The following PGCKA1 variants were observed in gnomAD, a reference collection of about 807,000 sequenced individuals.
PGCKA1 encodes PDCD10 and GCKIII kinases-associated protein 1.
At chr4:37,485,107 T>C in the PGCKA1 span, among the ~76,000 whole-genome samples, 6 of 152,258 alleles carry the variant, frequency 3.9e-5, no homozygotes, top group Non-Finnish European at 5.9e-5. Context: ...CCTATGTTTC[T>C]AGTTTCAGCT....
At chr4:37,469,424 T>C in the PGCKA1 span, among the ~76,000 whole-genome samples, 1 of 152,170 alleles carries the variant, frequency 6.6e-6, no homozygotes, top group African/African-American at 2.4e-5. Context: ...ACATAGAGAC[T>C]GTGTAGTAGT....
chr4:37,511,962 C>T, the PGCKA1 span, among the ~76,000 whole-genome samples: 2 of 152,250 alleles, frequency 1.3e-5, no homozygotes, highest in African/African-American at 4.8e-5. Context: ...AATATTCCCT[C>T]TGTAGCCGGG....
chr4:37,570,199 C>T, the PGCKA1 span, among the ~76,000 whole-genome samples: 2 of 138,596 alleles, frequency 1.4e-5, no homozygotes, highest in South Asian at 2.3e-4. Context: ...AGAGTTTCAC[C>T]GTGTTAGCCA....
the PGCKA1 span, chr4:37,590,478 C>T: frequency 3.7e-6 from 6 of 1,611,136 alleles, no homozygotes; most frequent in Non-Finnish European, 5.1e-6. Flanking sequence ...AAGGAGGGGG[C>T]ACCAGGAAAC....
chr4:37,535,989 A>C, the PGCKA1 span, among the ~76,000 whole-genome samples: 7 of 152,384 alleles, frequency 4.6e-5, no homozygotes, highest in African/African-American at 1.7e-4. Context: ...TGTGAGGATT[A>C]AATGAGATCA....
chr4:37,541,415 A>G, the PGCKA1 span, among the ~76,000 whole-genome samples: 3 of 152,190 alleles, frequency 2.0e-5, no homozygotes, highest in Non-Finnish European at 4.4e-5. Context: ...TCTTCCTATT[A>G]GAGGTACTTA....
chr4:37,496,029 A>G, the PGCKA1 span, among the ~76,000 whole-genome samples: 1 of 152,186 alleles, frequency 6.6e-6, no homozygotes, highest in Admixed American at 6.5e-5. Context: ...CTGGTGTTCT[A>G]TAGACAATCC....
the PGCKA1 span, among the ~76,000 whole-genome samples, chr4:37,568,017 A>G: frequency 3.2e-4 from 49 of 152,336 alleles, no homozygotes; most frequent in African/African-American, 1.1e-3. Context: ...AACCACATTG[A>G]ATGTGTTTCC....
At chr4:37,566,945 A>G in the PGCKA1 span, among the ~76,000 whole-genome samples, 2 of 152,144 alleles carry the variant, frequency 1.3e-5, no homozygotes, top group African/African-American at 4.8e-5. Context: ...ATATCCTGCC[A>G]TCTGCTGGTG....
chr4:37,469,042 C>T, the PGCKA1 span, among the ~76,000 whole-genome samples: 3 of 152,096 alleles, frequency 2.0e-5, no homozygotes, highest in Non-Finnish European at 1.5e-5. Flanking sequence ...CGTATTTTTA[C>T]TGTACATTTA....
the PGCKA1 span, among the ~76,000 whole-genome samples, chr4:37,464,778 G>C: frequency 1.3e-5 from 2 of 152,226 alleles, no homozygotes; most frequent in African/African-American, 4.8e-5. Context: ...TCCAGGGATA[G>C]TTTCAAATGT....
At chr4:37,460,614 T>TG in the PGCKA1 span, 2 of 451,426 alleles carry the variant, frequency 4.4e-6, no homozygotes, top group Admixed American at 4.8e-5. Flanking sequence ...ATATGTTTGT[T>TG]GGTCACATAA....
chr4:37,453,825 G>A, the PGCKA1 span: 2 of 152,170 alleles, frequency 1.3e-5, no homozygotes, highest in Admixed American at 6.5e-5. Flanking sequence ...TCCTCGGGGC[G>A]TGCAGGTAAA....
At chr4:37,504,071 A>C in the PGCKA1 span, among the ~76,000 whole-genome samples, 1 of 152,176 alleles carries the variant, frequency 6.6e-6, no homozygotes, top group Non-Finnish European at 1.5e-5. Context: ...GTAGTTTCAC[A>C]GTTTGAGGTC....
At chr4:37,541,503 G>A in the PGCKA1 span, among the ~76,000 whole-genome samples, 1,274 of 152,254 alleles carry the variant, frequency 8.4e-3, 27 homozygotes, top group African/African-American at 0.029. Context: ...TGCCCTCTCC[G>A]CCCTCTACCA....
At chr4:37,503,631 G>C in the PGCKA1 span, among the ~76,000 whole-genome samples, 1 of 152,104 alleles carries the variant, frequency 6.6e-6, no homozygotes, top group African/African-American at 2.4e-5. Context: ...GCCTCTTTTT[G>C]ATGAAAGCCA....
chr4:37,518,443 G>A, the PGCKA1 span, among the ~76,000 whole-genome samples: 1 of 152,074 alleles, frequency 6.6e-6, no homozygotes. Flanking sequence ...CTTATCGCCT[G>A]TCTTTTTTAT....
At chr4:37,564,306 G>T in the PGCKA1 span, among the ~76,000 whole-genome samples, 3 of 146,904 alleles carry the variant, frequency 2.0e-5, no homozygotes, top group Non-Finnish European at 4.5e-5. Flanking sequence ...AAAAAAAACC[G>T]AATATTCTCG....
At chr4:37,499,015 T>C in the PGCKA1 span, among the ~76,000 whole-genome samples, 73 of 152,354 alleles carry the variant, frequency 4.8e-4, no homozygotes, top group African/African-American at 1.7e-3. Flanking sequence ...CCTAGTTTAT[T>C]GAGAGTTTTT....
Sources: gnomAD v4.1 joint callset for allele counts (sites outside exome capture counted in the v4.1 genomes callset) on GRCh38, gnomAD v4.1.1 for gene constraint, MANE v1.5 for transcripts, NCBI Gene and HGNC (gene_info 2026-07-23, HGNC 2026-07-21) for gene names.